Variants in ARRDC1 observed in about 807,000 individuals in gnomAD.
ARRDC1 encodes the protein arrestin domain-containing protein 1.
ARRDC1 carries 37 observed loss-of-function variants against 40.1 expected under a neutral mutation model. That is an observed-to-expected ratio of 0.92 (90% confidence interval 0.71 to 1.21). The LOEUF is 1.21. ARRDC1 is among the 50% of genes most tolerant of loss of function. The pLI is 0.00. For synonymous variants in ARRDC1, 310 were observed against 262.5 expected (o/e 1.18, Z -1.75); for missense variants, 641 against 581.9 (o/e 1.10, Z -1.04).
chr9:137,612,418 G>C (rs901307117), intron 1 of ARRDC1: 2 of 187,718 alleles, frequency 1.1e-5, no homozygotes, highest in Non-Finnish European at 2.2e-5. Flanking sequence ...TGCCTAGGCG[G>C]GTCTGGCCAC....
intron 2 of ARRDC1, 146 bp downstream of exon 2, chr9:137,613,152 G>A: frequency 1.2e-6 from 1 of 802,402 alleles, no homozygotes; most frequent in East Asian, 2.7e-5. Flanking sequence ...GGCCCTGATG[G>A]CTTTCTCATA....
chr9:137,614,025 C>A lies in ARRDC1; in HGVS notation c.436-7C>A, dbSNP rs770581913. 5.0e-6 allele frequency: 8 copies of A among 1,613,324 alleles called. No homozygotes were observed. The African/African-American group carries it at 1.1e-4, about 22-fold the overall frequency. On this transcript the variant is annotated splice_region_variant and splice_polypyrimidine_tract_variant and intron_variant, in intron 4 of 7. Coordinates refer to ENST00000371421, the MANE Select transcript of ARRDC1 (RefSeq NM_152285.4). ...CTGCTAAGCCCCTCCCTGGCCCTCC[C>A]CCCAAGCAACCCAACGTGGCCTCTG...
At position 137,614,988 on chromosome 9, in the gene ARRDC1, G is replaced by T. The variant is rs770487926; in HGVS notation, c.1225G>T (p.Gly409Cys). ...LILPPEYSSW[G>C]YPYEAPPSYE... ...TCTTCCTCCAGAGTACAGTTCTTGG[G>T]GCTACCCCTATGGTGAGTCGACAGC... Residue 409 changes from glycine (G) to cysteine (C), a missense_variant, in exon 7 of 8, where the codon GGC (glycine) becomes TGC (cysteine). Gly to Cys is a radical substitution (Grantham distance 159). Coordinates refer to ENST00000371421, the MANE Select transcript of ARRDC1 (RefSeq NM_152285.4). 1 of 1,613,524 alleles carries T rather than the reference G, an allele frequency of 6.2e-7. No individual in the cohort carries two copies. Among genetic ancestry groups the T allele is most frequent in the Non-Finnish European group, 8.5e-7 (1 of 1,179,840 alleles).
At position 137,612,971 on chromosome 9, in the gene ARRDC1, G is replaced by T. The variant is rs775431066; in HGVS notation, c.194G>T (p.Gly65Val). 6.2e-7 allele frequency: 1 copy of T among 1,614,210 alleles called. No individual in the cohort carries two copies. The highest frequency in any genetic ancestry group is 1.7e-5 in the Admixed American group (1 of 60,024). The change falls in exon 2 of 8, where the codon GGT (glycine) becomes GTT (valine). Residue 65 changes from glycine (G) to valine (V), a missense_variant. Gly to Val is a moderately radical substitution (Grantham distance 109, BLOSUM62 -3). Coordinates refer to ENST00000371421, the MANE Select transcript of ARRDC1 (RefSeq NM_152285.4). ...ANDTAWVVEE[G>V]YFNSSLSLAD... Reference sequence around the variant, plus strand: ...GACACAGCGTGGGTAGTGGAGGAGGGTTACTTCAACAGTTCCCTGTCGCTG... The same window carrying T: ...GACACAGCGTGGGTAGTGGAGGAGGTTTACTTCAACAGTTCCCTGTCGCTG...
intron 1 of ARRDC1, 34 bp downstream of exon 1, chr9:137,605,869 G>T: frequency 8.5e-7 from 1 of 1,176,866 alleles, no homozygotes; most frequent in Middle Eastern, 3.3e-4. Flanking sequence ...GCCTTTGGCC[G>T]CACCTGCGCG....
Position 137,614,618 on chromosome 9 carries a change from T to C in ARRDC1, c.855T>C (p.Ala285=). ...TCCCGGTCTTCATTGGCAATATTGCTGTGAACCATGCCCCAGTGAGCCCCC... is the reference window on the plus strand; with the variant it reads ...TCCCGGTCTTCATTGGCAATATTGCCGTGAACCATGCCCCAGTGAGCCCCC... ...VTLPVFIGNI[A]VNHAPVSPRP... The change falls in exon 7 of 8, where the codon GCT becomes GCC. Residue 285 remains alanine (A), a synonymous_variant. Transcript: ENST00000371421. 3 of 1,612,886 alleles carry C rather than the reference T, an allele frequency of 1.9e-6. No homozygotes were observed. Among genetic ancestry groups the C allele is most frequent in the African/African-American group, 1.3e-5 (1 of 74,970 alleles).
At chr9:137,611,433 C>T (rs2133334632) in intron 1 of ARRDC1, 1 of 152,518 alleles carries the variant, frequency 6.6e-6, no homozygotes, top group African/African-American at 2.4e-5. Context: ...GTGGCACGTG[C>T]CTGTAGTCCT....
chr9:137,612,433 C>T lies in ARRDC1; in HGVS notation c.119-463C>T, dbSNP rs564726034. The T allele has an allele frequency of 2.1e-5, 4 of 193,570 alleles. No individual in the cohort carries two copies. The South Asian group carries it at 3.5e-4, about 17-fold the overall frequency. The allele number at this position is 193,570 out of a possible 1,614,324, so 12.0% of individuals were successfully genotyped here. On this transcript the variant is annotated intron_variant, in intron 1 of 7. Coordinates refer to ENST00000371421, the MANE Select transcript of ARRDC1 (RefSeq NM_152285.4). ...TGCCTAGGCGGGTCTGGCCACATTC[C>T]TGCAGCATGATGGTTGGCAGTTAGC...
At chr9:137,611,394 CAAAA>C (rs1247243259) in intron 1 of ARRDC1, 1 of 151,940 alleles carries the variant, frequency 6.6e-6, no homozygotes, top group Non-Finnish European at 1.5e-5. Flanking sequence ...ATAAGAAAAA[CAAAA>C]AACAAAAAAC....
Position 137,614,581 on chromosome 9 carries a change from C to G in ARRDC1, c.818C>G (p.Ala273Gly). The G allele has an allele frequency of 6.2e-7, 1 of 1,613,066 alleles. No homozygotes were observed. Residue 273 changes from alanine (A) to glycine (G), a missense_variant, in exon 7 of 8, where the codon GCT becomes GGT. Ala to Gly is a moderately conservative substitution (Grantham distance 60). Transcript: ENST00000371421. ...CAGGTCTCTCTGAAGGCGCCGGAAG[C>G]TACTGTGACCCTCCCGGTCTTCATT... ...YLQVSLKAPE[A>G]TVTLPVFIGN...
intron 1 of ARRDC1, chr9:137,612,425 C>T (rs1186306571): frequency 5.3e-6 from 1 of 189,858 alleles, no homozygotes; most frequent in Non-Finnish European, 1.1e-5. Context: ...GCGGGTCTGG[C>T]CACATTCCTG....
intron 2 of ARRDC1, 135 bp downstream of exon 2, chr9:137,613,141 G>A: frequency 1.2e-6 from 1 of 819,164 alleles, no homozygotes; most frequent in Non-Finnish European, 2.1e-6. Flanking sequence ...CCAGGGTTGT[G>A]GGCCCTGATG....
rs756808015 is a variant in ARRDC1, at chr9:137,614,847, G to A, written c.1084G>A (p.Asp362Asn). Residue 362 changes from aspartate (D) to asparagine (N), a missense_variant, in exon 7 of 8, where the codon GAT becomes AAT. By Grantham distance (23) the Asp-to-Asn change is conservative. Transcript: ENST00000371421. ...VPGAPEPCPQ[D>N]GSPASHPLHP... The stretch of plus-strand genomic sequence containing the variant: ...TGGTGCGCCGGAGCCCTGCCCTCAG[G>A]ATGGCAGCCCTGCCTCACACCCGCT... 1 of 1,613,428 alleles carries A rather than the reference G, an allele frequency of 6.2e-7. No homozygotes were observed. Among genetic ancestry groups the A allele is most frequent in the African/African-American group, 1.3e-5 (1 of 75,012 alleles).
chr9:137,614,109 C>T lies in ARRDC1; in HGVS notation c.513C>T (p.Ser171=). The T allele has an allele frequency of 6.2e-7, 1 of 1,613,862 alleles. No individual in the cohort carries two copies. Residue 171 remains serine (S), a synonymous_variant, in exon 5 of 8, where the codon AGC becomes AGT. Transcript: ENST00000371421. ...CGGGCAGCGTGGTCCTCACAGCCAG[C>T]ACTGATCTCCGCGGCTATGTGGTGG... ...VKTGSVVLTA[S]TDLRGYVVGQ...
chr9:137,606,018 C>T (rs1422359899), intron 1 of ARRDC1, among the ~76,000 whole-genome samples, 183 bp downstream of exon 1: 1 of 151,584 alleles, frequency 6.6e-6, no homozygotes, highest in African/African-American at 2.4e-5. Flanking sequence ...CCTTCCGCGT[C>T]TGCCCTTCCT....
chr9:137,613,409 TCAGGCCAC>T, intron 2 of ARRDC1, 43 bp from the exon 3 acceptor site: 2 of 1,559,198 alleles, frequency 1.3e-6, no homozygotes, highest in Non-Finnish European at 1.7e-6. Flanking sequence ...TGTGGCCACC[TCAGGCCAC>T]CTCAGGGGGG....
Position 137,608,468 on chromosome 9 carries a change from C to T in ARRDC1, c.118+2633C>T, listed in dbSNP as rs188567912. ...TTCCTGTTGCGAAAGGCTCGGTTCC[C>T]TTCAGCGTGTTCTGCCATCACAAGC... On this transcript the variant is annotated intron_variant, in intron 1 of 7. Coordinates refer to ENST00000371421, the MANE Select transcript of ARRDC1 (RefSeq NM_152285.4). Among the ~76,000 whole-genome samples, 56 of 152,366 alleles carry T rather than the reference C, an allele frequency of 3.7e-4. 2 individuals carry two copies. In the East Asian group the frequency reaches 9.3e-3, roughly 25 times the overall value.
Position 137,614,963 on chromosome 9 carries a change from T to C in ARRDC1, c.1200T>C (p.Ile400=), listed in dbSNP as rs143543277. 4.3e-6 allele frequency: 7 copies of C among 1,613,722 alleles called. No homozygotes were observed. The African/African-American group carries it at 9.3e-5, about 22-fold the overall frequency. The change falls in exon 7 of 8, where the codon ATT becomes ATC. Residue 400 remains isoleucine, a synonymous_variant. Coordinates refer to ENST00000371421, the MANE Select transcript of ARRDC1 (RefSeq NM_152285.4). ...CAGTGCCCACTACCAGCACCTTGAT[T>C]CTTCCTCCAGAGTACAGTTCTTGGG... The part of the protein sequence containing the change: ...GGPVPTTSTL[I]LPPEYSSWGY...
chr9:137,613,681 A>C lies in ARRDC1; in HGVS notation c.347A>C (p.His116Pro). Residue 116 changes from histidine (H) to proline (P), a missense_variant, in exon 4 of 8, where the codon CAC becomes CCC. Physicochemically the swap from His to Pro is moderately conservative, Grantham distance 77. Transcript: ENST00000371421. ...KIVHQVRAAI[H>P]TPRFSKDHKC... is the part of the protein sequence containing the mutation. ...GTGCACCAGGTGAGGGCCGCCATCC[A>C]CACGCCACGGTTTTCCAAGGATCAC... 1 of 1,614,234 alleles carries C rather than the reference A, an allele frequency of 6.2e-7. No individual in the cohort carries two copies. Among genetic ancestry groups the C allele is most frequent in the Non-Finnish European group, 8.5e-7 (1 of 1,180,038 alleles).
Sources: gnomAD v4.1 joint callset for allele counts (sites outside exome capture counted in the v4.1 genomes callset) on GRCh38, gnomAD v4.1.1 for gene constraint, MANE v1.5 for transcripts, NCBI Gene and HGNC (gene_info 2026-07-23, HGNC 2026-07-21) for gene names.